SEC62: variants seen among roughly 807,000 people sequenced by gnomAD.
SEC62 encodes translocation protein SEC62.
A neutral mutation model predicts 47.5 loss-of-function variants in SEC62; 10 were observed. The ratio of observed to expected loss-of-function variants is 0.21; its 90% CI spans 0.13 to 0.36. SEC62 has a LOEUF of 0.36. Among genes scored for constraint, SEC62 ranks in the 10% least tolerant of loss-of-function variants. The pLI is 1.00. For missense variants in SEC62, 327 were observed against 464.1 expected (o/e 0.70, Z 2.71); for synonymous variants, 136 against 150.5 (o/e 0.90, Z 0.71).
intron 3 of SEC62, among the ~76,000 whole-genome samples, chr3:169,979,257 A>C (rs973046782): frequency 4.6e-5 from 7 of 152,196 alleles, no homozygotes; most frequent in African/African-American, 1.7e-4. Flanking sequence ...GCCAGTTCTC[A>C]TGAGTTGCTG....
At chr3:169,971,617 C>CCCTAA (rs1393971403) in intron 1 of SEC62, among the ~76,000 whole-genome samples, 9 of 152,178 alleles carry the variant, frequency 5.9e-5, no homozygotes, top group Non-Finnish European at 1.3e-4. Flanking sequence ...TTACAAAGGA[C>CCCTAA]AGGGTGCAGT....
chr3:169,975,785 T>G (rs1714821860), intron 2 of SEC62, 69 bp downstream of exon 2: 1 of 1,088,990 alleles, frequency 9.2e-7, no homozygotes, highest in Non-Finnish European at 1.4e-6. Context: ...TTGGGATATG[T>G]AGAAGTTTTA....
rs1177450218 is a variant in SEC62 at position 169,992,808 on chromosome 3, T to A, written c.945T>A (p.Ser315Arg). 1 of 1,612,286 alleles carries A rather than the reference T, an allele frequency of 6.2e-7. No individual in the cohort carries two copies. Among genetic ancestry groups the A allele is most frequent in the East Asian group, 2.2e-5 (1 of 44,800 alleles). Reference protein sequence around the residue: ...QKSDSEEKSDSEKKEDEEGKV... With the variant: ...QKSDSEEKSDREKKEDEEGKV... ...CCGACAGTGAGGAAAAGTCAGACAG[T>A]GAGAAAAAGGAAGATGAGGAGGGGA... The change falls in exon 8 of 8, where the codon AGT becomes AGA. Residue 315 changes from serine (S) to arginine (R), a missense_variant. This residue lies in a region of SEC62 where 102 missense variants were observed against 108.8 expected (regional missense o/e 0.94). Coordinates refer to ENST00000337002, the MANE Select transcript of SEC62 (RefSeq NM_003262.4). The surrounding 1 kb of genome is among the most constrained non-coding windows in gnomAD (Gnocchi z 4.0).
At chr3:169,974,772 T>C (rs1372313051) in intron 1 of SEC62, among the ~76,000 whole-genome samples, 2 of 152,200 alleles carry the variant, frequency 1.3e-5, no homozygotes, top group Non-Finnish European at 2.9e-5. Flanking sequence ...CAAATTGTCA[T>C]TGTGTCAGTA....
chr3:169,967,835 A>G (rs1576853560), intron 1 of SEC62, among the ~76,000 whole-genome samples: 1 of 151,500 alleles, frequency 6.6e-6, no homozygotes, highest in African/African-American at 2.4e-5. Context: ...GTTCCTTACT[A>G]TTTCATTGCT....
At chr3:169,973,081 T>C (rs1377873336) in intron 1 of SEC62, among the ~76,000 whole-genome samples, 1 of 152,228 alleles carries the variant, frequency 6.6e-6, no homozygotes, top group Non-Finnish European at 1.5e-5. Context: ...TCAACTTTTA[T>C]AGTATTACTT....
chr3:169,984,257 C>G (rs1427717896), intron 5 of SEC62, among the ~76,000 whole-genome samples: 1 of 152,124 alleles, frequency 6.6e-6, no homozygotes, highest in Non-Finnish European at 1.5e-5. Context: ...ATGTGAACCC[C>G]TTGTTGAGAA....
chr3:169,985,173 A>G (rs1008573587), intron 5 of SEC62: 2 of 151,904 alleles, frequency 1.3e-5, no homozygotes, highest in Non-Finnish European at 2.9e-5. Flanking sequence ...GTTCATCATT[A>G]CATTAGGGAC....
intron 7 of SEC62, among the ~76,000 whole-genome samples, chr3:169,989,698 T>C (rs1320599088): frequency 6.6e-6 from 1 of 152,100 alleles, no homozygotes; most frequent in Non-Finnish European, 1.5e-5. Flanking sequence ...TAGTTTATGG[T>C]TATTATGTAG....
At chr3:169,989,905 A>G (rs900942986) in intron 7 of SEC62, among the ~76,000 whole-genome samples, 5 of 149,492 alleles carry the variant, frequency 3.3e-5, no homozygotes, top group African/African-American at 9.7e-5. Flanking sequence ...TATTTCTTTT[A>G]TATTATTCTT....
chr3:169,988,509 A>G, intron 7 of SEC62, 150 bp downstream of exon 7: 4 of 886,428 alleles, frequency 4.5e-6, no homozygotes, highest in Middle Eastern at 3.7e-4. Context: ...CTCAAAACTC[A>G]GGCTTGGTAA....
rs1418958971 is a variant in SEC62, at chr3:169,993,989, TGAGCAAAAACTGATCTTAA to T, written c.*932_*950del. 2 of 152,668 alleles carry T rather than the reference TGAGCAAAAACTGATCTTAA, an allele frequency of 1.3e-5. No homozygotes were observed. Among genetic ancestry groups the T allele is most frequent in the African/African-American group, 4.8e-5 (2 of 41,454 alleles). The allele number at this position is 152,668 out of a possible 1,614,324, so 9.5% of individuals were successfully genotyped here. A position where few individuals can be genotyped will look rare whatever the true frequency, so the allele number is the denominator to read the frequency against. The stretch of plus-strand genomic sequence containing the variant: ...GCCAACATTCCATGTATTTTGAATA[TGAGCAAAAACTGATCTTAA>T]GAGCAGACTTAAAGTAGCTTTGTAC... On this transcript the variant is annotated 3_prime_UTR_variant, in exon 8 of 8. Coordinates refer to ENST00000337002, the MANE Select transcript of SEC62 (RefSeq NM_003262.4).
At chr3:169,987,019 T>C (rs1266175739) in intron 6 of SEC62, among the ~76,000 whole-genome samples, 1 of 151,272 alleles carries the variant, frequency 6.6e-6, no homozygotes, top group African/African-American at 2.4e-5. Flanking sequence ...CTTTTTAACG[T>C]GTGTATTCCA....
At chr3:169,979,579 C>T (rs1189170493) in intron 3 of SEC62, among the ~76,000 whole-genome samples, 1 of 152,132 alleles carries the variant, frequency 6.6e-6, no homozygotes, top group Non-Finnish European at 1.5e-5. Flanking sequence ...TTCTTCTAGT[C>T]TTTTTCCTAT....
At chr3:169,967,129 G>T (rs1356946672) in intron 1 of SEC62, among the ~76,000 whole-genome samples, 1 of 152,214 alleles carries the variant, frequency 6.6e-6, no homozygotes, top group Non-Finnish European at 1.5e-5. Context: ...CGGAGGCGCG[G>T]CTGTGGGCCT....
rs1715358878 is a variant in SEC62 at position 169,995,744 on chromosome 3, G to A, written c.*2681G>A. On this transcript the variant is annotated 3_prime_UTR_variant, in exon 8 of 8. Transcript: ENST00000337002. ...CTGAATTAGCAAATATAGAACCTAG[G>A]GGAAATACAAGGCTAGATTTCTGCA... 1 of 152,064 alleles carries A rather than the reference G, an allele frequency of 6.6e-6. No homozygotes were observed. The highest frequency in any genetic ancestry group is 2.4e-5 in the African/African-American group (1 of 41,400). The allele number at this position is 152,064 out of a possible 1,614,324, so 9.4% of individuals were successfully genotyped here. A position where few individuals can be genotyped will look rare whatever the true frequency, so the allele number is the denominator to read the frequency against.
chr3:169,980,847 G>A (rs1211655625), intron 3 of SEC62, among the ~76,000 whole-genome samples: 1 of 152,054 alleles, frequency 6.6e-6, no homozygotes, highest in East Asian at 1.9e-4. Flanking sequence ...TATATTAACT[G>A]CATTATAAAA....
rs192053151 is a variant in SEC62 at position 169,989,792 on chromosome 3, T to A, written c.730+1433T>A. Reference sequence around the variant, plus strand: ...ATATGCTGTGGATTTAAATATGCATTATGAACCAAATAGTCTTCTGAATTA... The same window carrying A: ...ATATGCTGTGGATTTAAATATGCATAATGAACCAAATAGTCTTCTGAATTA... On this transcript the variant is annotated intron_variant, in intron 7 of 7. Coordinates refer to ENST00000337002, the MANE Select transcript of SEC62 (RefSeq NM_003262.4). 8.3e-3 allele frequency among the ~76,000 whole-genome samples: 1,258 copies of A among 152,080 alleles called. 16 individuals carry two copies. The highest frequency in any genetic ancestry group is 0.028 in the African/African-American group (1,160 of 41,514).
chr3:169,974,485 G>A (rs1421359487), intron 1 of SEC62, among the ~76,000 whole-genome samples: 2 of 152,160 alleles, frequency 1.3e-5, no homozygotes, highest in Non-Finnish European at 2.9e-5. Context: ...CAGAATGAAA[G>A]GGAATAAAGG....
Sources: gnomAD v4.1 joint callset for allele counts (sites outside exome capture counted in the v4.1 genomes callset) on GRCh38, gnomAD v4.1.1 for gene constraint, gnomAD v4.1.1 regional missense constraint, Gnocchi (gnomAD v3.1) non-coding constraint, MANE v1.5 for transcripts, NCBI Gene and HGNC (gene_info 2026-07-23, HGNC 2026-07-21) for gene names.